Variants in AUTS2 observed in about 807,000 individuals in gnomAD.
The protein encoded by AUTS2 is autism susceptibility gene 2 protein.
In AUTS2, 17 loss-of-function variants were observed where a neutral mutation model predicts 112.4. The observed-to-expected ratio is 0.15, with a 90% CI of 0.10 to 0.23. The LOEUF (loss-of-function observed/expected upper bound fraction) is 0.23, where lower values mean the gene tolerates loss of function less well. Ranked by LOEUF, AUTS2 falls within the 10% of genes least tolerant of loss-of-function variation. The probability of loss-of-function intolerance (pLI) is 1.00; values close to 1 mark genes in which losing one functional copy is unlikely to be tolerated. For synonymous variants in AUTS2, 751 were observed against 702.7 expected (o/e 1.07, Z -1.09); for missense variants, 1,510 against 1,701.6 (o/e 0.89, Z 1.98).
chr7:70,746,735 G>A (rs1417452420), intron 6 of AUTS2, among the ~76,000 whole-genome samples: 1 of 152,076 alleles, frequency 6.6e-6, no homozygotes, highest in Non-Finnish European at 1.5e-5. Context: ...GGCAGGCCTT[G>A]ATGAGGAGTT....
intron 5 of AUTS2, among the ~76,000 whole-genome samples, chr7:70,581,632 C>T (rs1802451501): frequency 6.6e-6 from 1 of 152,046 alleles, no homozygotes; most frequent in South Asian, 2.1e-4. Context: ...TGTTTGTTAC[C>T]CACCACAGTA....
At chr7:70,360,183 A>G (rs1487469056) in intron 4 of AUTS2, among the ~76,000 whole-genome samples, 1 of 152,182 alleles carries the variant, frequency 6.6e-6, no homozygotes, top group African/African-American at 2.4e-5. Flanking sequence ...GCTGGAGTGC[A>G]GTGGTGCGAT....
At chr7:70,650,035 G>C (rs1806412426) in intron 5 of AUTS2, among the ~76,000 whole-genome samples, 2 of 152,134 alleles carry the variant, frequency 1.3e-5, no homozygotes, top group South Asian at 4.1e-4. Context: ...TAAGTATTTT[G>C]GGGCACGGAT....
At chr7:70,378,521 G>A (rs1793220946) in intron 4 of AUTS2, among the ~76,000 whole-genome samples, 1 of 152,118 alleles carries the variant, frequency 6.6e-6, no homozygotes, top group Admixed American at 6.5e-5. Context: ...ATTTACTTAA[G>A]GCCCACAGAA....
chr7:70,576,846 G>A (rs1287578130), intron 5 of AUTS2, among the ~76,000 whole-genome samples: 3 of 152,174 alleles, frequency 2.0e-5, no homozygotes, highest in African/African-American at 7.2e-5. Context: ...GCAGTGGAGA[G>A]GGCAATATTA....
At chr7:70,126,092 T>C (rs1482631664) in intron 3 of AUTS2, among the ~76,000 whole-genome samples, 1 of 152,224 alleles carries the variant, frequency 6.6e-6, no homozygotes, top group Non-Finnish European at 1.5e-5. Context: ...CCAGTGTAGC[T>C]GTATAATTTG....
intron 4 of AUTS2, among the ~76,000 whole-genome samples, chr7:70,154,244 A>G (rs1445233196): frequency 6.6e-6 from 1 of 152,184 alleles, no homozygotes; most frequent in East Asian, 1.9e-4. Flanking sequence ...AAAAGTGTCC[A>G]TCAGACAAGC....
intron 1 of AUTS2, among the ~76,000 whole-genome samples, chr7:69,655,451 A>G (rs1795484184): frequency 6.6e-6 from 1 of 152,244 alleles, no homozygotes; most frequent in African/African-American, 2.4e-5. Context: ...TCCCCAGTCC[A>G]GAAGTGTCAG....
intron 1 of AUTS2, among the ~76,000 whole-genome samples, chr7:69,707,480 C>T (rs1798117286): frequency 1.3e-5 from 2 of 152,016 alleles, no homozygotes; most frequent in Admixed American, 1.3e-4. Flanking sequence ...CAATTGGTGT[C>T]AAAATTTTTA....
Position 70,435,125 on chromosome 7 carries a change from C to G in AUTS2, c.661-627C>G, listed in dbSNP as rs74370706. On this transcript the variant is annotated intron_variant, in intron 4 of 18. Coordinates refer to ENST00000342771, the MANE Select transcript of AUTS2 (RefSeq NM_015570.4). ...CCATATTTTTTATTTACTACCCTGA[C>G]CTCTTGTCTTTGGCATACTTTTTAT... Among the ~76,000 whole-genome samples the G allele has an allele frequency of 7.5e-3, 1,137 of 152,252 alleles. 22 individuals are homozygous for G. Among genetic ancestry groups the G allele is most frequent in the African/African-American group, 0.026 (1,081 of 41,544 alleles).
chr7:69,695,343 AT>A (rs913210113), intron 1 of AUTS2, among the ~76,000 whole-genome samples: 3 of 152,072 alleles, frequency 2.0e-5, no homozygotes, highest in African/African-American at 4.8e-5. Context: ...AAGAAAAAAA[AT>A]TTTTTTAAAA....
Position 70,089,106 on chromosome 7 carries a change from T to C in AUTS2, c.523-29026T>C, listed in dbSNP as rs573232367. On this transcript the variant is annotated intron_variant, in intron 2 of 18. Coordinates refer to ENST00000342771, the MANE Select transcript of AUTS2 (RefSeq NM_015570.4). ...CTGAATGTTCTATAAATGTCAATTA[T>C]GCATAATAGTATTTTTTAAGTCTTA... Among the ~76,000 whole-genome samples the C allele has an allele frequency of 9.2e-5, 14 of 152,332 alleles. No homozygotes were observed. In the South Asian group the frequency reaches 2.9e-3, roughly 32 times the overall value.
chr7:69,799,653 A>G (rs942714377), intron 1 of AUTS2, among the ~76,000 whole-genome samples: 5 of 152,246 alleles, frequency 3.3e-5, no homozygotes, highest in Non-Finnish European at 7.3e-5. Flanking sequence ...ATGAGGGACT[A>G]TAACCTGCAT....
At chr7:70,348,520 G>T (rs558032804) in intron 4 of AUTS2, among the ~76,000 whole-genome samples, 3 of 152,230 alleles carry the variant, frequency 2.0e-5, no homozygotes, top group Non-Finnish European at 4.4e-5. Context: ...AAGAATTCCA[G>T]CTGGCTGGGC....
At chr7:70,470,504 T>G (rs1797337282) in intron 5 of AUTS2, among the ~76,000 whole-genome samples, 1 of 152,238 alleles carries the variant, frequency 6.6e-6, no homozygotes, top group African/African-American at 2.4e-5. Context: ...GACAGATTTC[T>G]TTTCCATATA....
At chr7:70,092,225 T>C (rs138403093) in intron 2 of AUTS2, among the ~76,000 whole-genome samples, 442 of 152,280 alleles carry the variant, frequency 2.9e-3, no homozygotes, top group African/African-American at 9.8e-3. Context: ...AGATTTCTCA[T>C]GTTAGGCATA....
chr7:70,778,027 G>A (rs919088776), intron 14 of AUTS2, among the ~76,000 whole-genome samples: 1 of 152,192 alleles, frequency 6.6e-6, no homozygotes, highest in Non-Finnish European at 1.5e-5. Context: ...GTCAGTACTT[G>A]CAGGAGCCAC....
At chr7:70,698,715 C>T in intron 6 of AUTS2, 95 bp downstream of exon 6, 1 of 982,224 alleles carries the variant, frequency 1.0e-6, no homozygotes, top group East Asian at 2.6e-5. Flanking sequence ...TGATCTTTCT[C>T]TTATAATTCT....
chr7:70,177,911 T>A (rs1279123093), intron 4 of AUTS2, among the ~76,000 whole-genome samples: 3 of 151,614 alleles, frequency 2.0e-5, no homozygotes, highest in Non-Finnish European at 4.4e-5. Flanking sequence ...ACCGTTAACA[T>A]AATTCTGTTT....
Sources: gnomAD v4.1 joint callset for allele counts (sites outside exome capture counted in the v4.1 genomes callset) on GRCh38, gnomAD v4.1.1 for gene constraint, MANE v1.5 for transcripts, NCBI Gene and HGNC (gene_info 2026-07-23, HGNC 2026-07-21) for gene names.